PAPOLA: variants seen among roughly 807,000 people sequenced by gnomAD.
PAPOLA encodes polynucleotide adenylyltransferase alpha.
A neutral mutation model predicts 100.6 loss-of-function variants in PAPOLA; 15 were observed. The observed-to-expected ratio is 0.15, with a 90% CI of 0.10 to 0.23. The LOEUF (loss-of-function observed/expected upper bound fraction) is 0.23. PAPOLA is among the 10% of genes least tolerant of loss of function. PAPOLA has a pLI of 1.00. For synonymous variants in PAPOLA, 293 were observed against 300.0 expected (o/e 0.98, Z 0.24); for missense variants, 533 against 884.2 (o/e 0.60, Z 5.04).
chr14:96,554,483 G>A (rs1158154691), intron 17 of PAPOLA, among the ~76,000 whole-genome samples: 3 of 152,288 alleles, frequency 2.0e-5, no homozygotes, highest in Admixed American at 6.5e-5. Context: ...TGACTGCTCC[G>A]TGGTTCCCTG....
At position 96,565,928 on chromosome 14, in the gene PAPOLA, A is replaced by C. The variant is rs971769402; in HGVS notation, c.*878A>C. The C allele has an allele frequency of 2.5e-6, 1 of 398,522 alleles. No individual in the cohort carries two copies. Among genetic ancestry groups the C allele is most frequent in the Non-Finnish European group, 4.4e-6 (1 of 225,644 alleles). 24.7% of individuals were successfully genotyped at this position (398,522 alleles called of 1,614,324 possible). On this transcript the variant is annotated 3_prime_UTR_variant, in exon 22 of 22. Transcript: ENST00000216277. ...GGTAGGACTTACTTCGTAAGAAACA[A>C]AATGCCAGTATTTTCTTAAGCCATG... is the stretch of plus-strand genomic sequence containing the variant.
chr14:96,509,179 G>T (rs1038996060), intron 1 of PAPOLA, among the ~76,000 whole-genome samples: 2 of 152,130 alleles, frequency 1.3e-5, no homozygotes, highest in South Asian at 4.2e-4. Flanking sequence ...CTACAGGCAC[G>T]CACCACCATA....
Position 96,502,576 on chromosome 14 carries a change from TGCCG to T in PAPOLA, c.-14_-11del. 1 of 1,557,894 alleles carries T rather than the reference TGCCG, an allele frequency of 6.4e-7. No homozygotes were observed. The highest frequency in any genetic ancestry group is 8.7e-7 in the Non-Finnish European group (1 of 1,151,504). ...TTGCGGGGGGGAAGTGACTGGGCGG[TGCCG>T]GCGCCGGAGACGATGCCGTTGTAAG... is the stretch of plus-strand genomic sequence containing the variant. On this transcript the variant is annotated 5_prime_UTR_variant, in exon 1 of 22. Coordinates refer to ENST00000216277, the MANE Select transcript of PAPOLA (RefSeq NM_032632.5).
At chr14:96,519,953 T>G in intron 1 of PAPOLA, 102 bp from the exon 2 acceptor site, 1 of 979,070 alleles carries the variant, frequency 1.0e-6, no homozygotes, top group East Asian at 2.6e-5. Flanking sequence ...GAACCAATCA[T>G]GTTTAGAAAT....
intron 1 of PAPOLA, among the ~76,000 whole-genome samples, chr14:96,515,018 T>C (rs1376349679): frequency 6.6e-6 from 1 of 152,138 alleles, no homozygotes; most frequent in Admixed American, 6.5e-5. Context: ...TATACAGTTA[T>C]ATTTTAGGAA....
At chr14:96,562,096 G>A (rs1035729054) in intron 20 of PAPOLA, among the ~76,000 whole-genome samples, 2 of 152,044 alleles carry the variant, frequency 1.3e-5, no homozygotes, top group African/African-American at 4.8e-5. Context: ...GTTTCACCAT[G>A]TTGGCCAGGC....
At position 96,544,166 on chromosome 14, in the gene PAPOLA, T is replaced by C. The variant is rs779090968; in HGVS notation, c.1307T>C (p.Met436Thr). 3 of 1,600,832 alleles carry C rather than the reference T, an allele frequency of 1.9e-6. No individual in the cohort carries two copies. Among genetic ancestry groups the C allele is most frequent in the Non-Finnish European group, 2.6e-6 (3 of 1,168,354 alleles). ...CTTTGCAGGGAAGAATTTCGCACGA[T>C]GTGGGTGATTGGGTTAGTGTTTAAA... ...ENPDKEEFRT[M>T]WVIGLVFKKT... is the part of the protein sequence containing the mutation. The change falls in exon 15 of 22, where the codon ATG becomes ACG. Residue 436 changes from methionine (M) to threonine (T), a missense_variant. Transcript: ENST00000216277.
intron 1 of PAPOLA, among the ~76,000 whole-genome samples, chr14:96,505,057 A>G (rs963156574): frequency 6.6e-6 from 1 of 152,164 alleles, no homozygotes; most frequent in East Asian, 1.9e-4. Context: ...AGCTACAAAC[A>G]TACTTTTGGA....
intron 17 of PAPOLA, among the ~76,000 whole-genome samples, chr14:96,554,606 GAGAA>G (rs796258112): frequency 1.4e-4 from 21 of 152,252 alleles, no homozygotes; most frequent in African/African-American, 4.6e-4. Flanking sequence ...GAGAGAGAGA[GAGAA>G]AGAGAGACAG....
chr14:96,533,869 A>T (rs747337598), intron 9 of PAPOLA: 23 of 985,202 alleles, frequency 2.3e-5, no homozygotes, highest in Non-Finnish European at 2.8e-5. Flanking sequence ...ATTTCTTTTA[A>T]TGCTACACAT....
intron 1 of PAPOLA, among the ~76,000 whole-genome samples, chr14:96,519,483 G>A (rs142950189): frequency 1.3e-5 from 2 of 152,300 alleles, no homozygotes; most frequent in African/African-American, 4.8e-5. Context: ...CTGTGTGTGT[G>A]TAAAATAAAC....
At chr14:96,502,651 G>T in intron 1 of PAPOLA, 51 bp downstream of exon 1, 1 of 1,554,000 alleles carries the variant, frequency 6.4e-7, no homozygotes. Context: ...GGCCTTGGGG[G>T]GCGTCCGGGA....
intron 12 of PAPOLA, among the ~76,000 whole-genome samples, chr14:96,541,646 G>A (rs947466540): frequency 9.2e-5 from 14 of 151,994 alleles, no homozygotes; most frequent in Non-Finnish European, 1.8e-4. Flanking sequence ...ATAAAAATCA[G>A]ATTTCTTTGT....
chr14:96,528,741 A>T (rs1371951674), intron 6 of PAPOLA, among the ~76,000 whole-genome samples: 1 of 152,182 alleles, frequency 6.6e-6, no homozygotes, highest in Admixed American at 6.5e-5. Flanking sequence ...AAAAAAGATA[A>T]TTCACTGTTG....
intron 10 of PAPOLA, chr14:96,534,804 A>T: frequency 7.9e-7 from 1 of 1,262,184 alleles, no homozygotes; most frequent in Non-Finnish European, 1.0e-6. Context: ...TTTTACTAAC[A>T]TTTTAATTTA....
At chr14:96,515,148 G>C (rs1897366418) in intron 1 of PAPOLA, among the ~76,000 whole-genome samples, 1 of 152,168 alleles carries the variant, frequency 6.6e-6, no homozygotes, top group African/African-American at 2.4e-5. Flanking sequence ...TTGTTATATA[G>C]AATGTTAAAA....
At chr14:96,534,683 A>T in intron 10 of PAPOLA, 120 bp downstream of exon 10, 1 of 1,527,556 alleles carries the variant, frequency 6.5e-7, no homozygotes, top group African/African-American at 1.4e-5. Context: ...TCCGTATTAC[A>T]CTTTCTTTTA....
At chr14:96,548,006 A>C in intron 16 of PAPOLA, 88 bp downstream of exon 16, 1 of 1,155,804 alleles carries the variant, frequency 8.7e-7, no homozygotes, top group Non-Finnish European at 1.2e-6. Flanking sequence ...AGGCTCAGTT[A>C]ATAAGTCATT....
At chr14:96,539,559 CTA>C (rs1174468760) in intron 12 of PAPOLA, among the ~76,000 whole-genome samples, 8 of 151,964 alleles carry the variant, frequency 5.3e-5, no homozygotes, top group East Asian at 1.9e-4. Context: ...TTATTTTTAA[CTA>C]TGTTTTTAAC....
Sources: gnomAD v4.1 joint callset for allele counts (sites outside exome capture counted in the v4.1 genomes callset) on GRCh38, gnomAD v4.1.1 for gene constraint, MANE v1.5 for transcripts, NCBI Gene and HGNC (gene_info 2026-07-23, HGNC 2026-07-21) for gene names.